COL24A1: variants seen among roughly 807,000 people sequenced by gnomAD.
COL24A1 encodes the protein collagen alpha-1(XXIV) chain.
COL24A1 carries 224 observed loss-of-function variants against 253.9 expected under a neutral mutation model. The ratio of observed to expected loss-of-function variants is 0.88; its 90% CI spans 0.79 to 0.99. The LOEUF (loss-of-function observed/expected upper bound fraction) is 0.99, where lower values mean the gene tolerates loss of function less well. Among genes scored for constraint, COL24A1 ranks in the 50% least tolerant of loss-of-function variants. The pLI, the probability that COL24A1 is intolerant of heterozygous loss-of-function variation, is 0.00. For synonymous variants in COL24A1, 685 were observed against 673.7 expected, an observed-to-expected ratio of 1.02 and a Z score of -0.26; for missense variants, 2,131 against 2,068.5, an observed-to-expected ratio of 1.03 and a Z score of -0.59.
At chr1:86,151,636 T>C (rs1005687626) in intron 1 of COL24A1, among the ~76,000 whole-genome samples, 12 of 152,266 alleles carry the variant, frequency 7.9e-5, no homozygotes, top group South Asian at 2.1e-4. Flanking sequence ...AACATGTAAA[T>C]GACTAATACC....
rs191106002 is a variant in COL24A1, at chr1:85,754,401, G to T, written c.4437+6995C>A. Among the ~76,000 whole-genome samples the T allele has an allele frequency of 6.8e-3, 584 of 85,936 alleles. 29 individuals carry two copies. Among genetic ancestry groups the T allele is most frequent in the Admixed American group, 0.053 (417 of 7,892 alleles). 56.4% of individuals were successfully genotyped at this position (85,936 alleles called of 152,430 possible). A position where few individuals can be genotyped will look rare whatever the true frequency, so the allele number is the denominator to read the frequency against. ...GGGGACTGTGGTGGGGTCGGGGGAG[G>T]GGGGAGGGATAGCATTGGGAGATAT... On this transcript the variant is annotated intron_variant, in intron 55 of 59. Coordinates refer to ENST00000370571, the MANE Select transcript of COL24A1 (RefSeq NM_152890.7).
At chr1:86,145,249 G>T (rs532069922) in intron 2 of COL24A1, among the ~76,000 whole-genome samples, 222 of 152,062 alleles carry the variant, frequency 1.5e-3, no homozygotes, top group African/African-American at 4.7e-3. Context: ...CTGACAAGGG[G>T]TTCATCAAAC....
At chr1:85,879,382 T>C (rs748623505) in intron 32 of COL24A1, among the ~76,000 whole-genome samples, 1 of 152,154 alleles carries the variant, frequency 6.6e-6, no homozygotes, top group Non-Finnish European at 1.5e-5. Context: ...TTTGCTCCTT[T>C]GTCACAGATC....
At chr1:85,921,123 G>C (rs1686419632) in intron 24 of COL24A1, among the ~76,000 whole-genome samples, 1 of 152,144 alleles carries the variant, frequency 6.6e-6, no homozygotes, top group South Asian at 2.1e-4. Context: ...ACCAAATCAG[G>C]GTGGGGCATC....
chr1:85,906,264 C>CTTGTTTTTTTTTTTTTTTTTTTTT (rs1684807771), intron 28 of COL24A1, among the ~76,000 whole-genome samples: 1 of 77,848 alleles, frequency 1.3e-5, no homozygotes. Flanking sequence ...ACTGCAAGGT[C>CTTGTTTTTTTTTTTTTTTTTTTTT]TTTTTTTTTT....
intron 43 of COL24A1, among the ~76,000 whole-genome samples, chr1:85,828,728 A>T: frequency 9.1e-6 from 1 of 110,340 alleles, no homozygotes; most frequent in Non-Finnish European, 2.1e-5. Context: ...CTGTTTTATC[A>T]GAGACTACGA....
chr1:86,143,165 T>C (rs1261586617), intron 2 of COL24A1, among the ~76,000 whole-genome samples: 1 of 152,148 alleles, frequency 6.6e-6, no homozygotes, highest in Non-Finnish European at 1.5e-5. Flanking sequence ...GAGGATGTGC[T>C]GCACCCAAAT....
At chr1:85,970,681 A>G (rs1368603677) in intron 21 of COL24A1, among the ~76,000 whole-genome samples, 2 of 152,200 alleles carry the variant, frequency 1.3e-5, no homozygotes, top group East Asian at 3.8e-4. Context: ...ATCATATAGT[A>G]TATGTTATTT....
intron 53 of COL24A1, among the ~76,000 whole-genome samples, chr1:85,772,507 C>G (rs1044858717): frequency 6.6e-6 from 1 of 151,942 alleles, no homozygotes; most frequent in Non-Finnish European, 1.5e-5. Flanking sequence ...CACATGCACA[C>G]GTATGTTTAT....
chr1:86,039,317 A>G (rs1442834201), intron 12 of COL24A1, among the ~76,000 whole-genome samples: 1 of 152,196 alleles, frequency 6.6e-6, no homozygotes, highest in Non-Finnish European at 1.5e-5. Flanking sequence ...TCACTCATAG[A>G]TACTACATTT....
chr1:85,916,908 A>C (rs1485344365), intron 24 of COL24A1, among the ~76,000 whole-genome samples: 1 of 152,192 alleles, frequency 6.6e-6, no homozygotes, highest in East Asian at 1.9e-4. Flanking sequence ...GTTCACATGG[A>C]ATTCTACTTT....
At chr1:85,964,887 A>G (rs1446506736) in intron 23 of COL24A1, 122 bp downstream of exon 23, 2 of 764,770 alleles carry the variant, frequency 2.6e-6, no homozygotes, top group Admixed American at 2.6e-5. Flanking sequence ...TCTTTGTAAC[A>G]GTTTTAACAT....
chr1:85,822,984 A>G (rs185607703), intron 45 of COL24A1, among the ~76,000 whole-genome samples: 1 of 151,924 alleles, frequency 6.6e-6, no homozygotes, highest in East Asian at 1.9e-4. Context: ...ATTCACTCAT[A>G]CTCAATCTGC....
intron 35 of COL24A1, among the ~76,000 whole-genome samples, chr1:85,870,733 C>A (rs746431604): frequency 6.6e-6 from 1 of 152,138 alleles, no homozygotes; most frequent in Non-Finnish European, 1.5e-5. Context: ...TAAATGCTCA[C>A]AAGAGAAAGC....
At chr1:85,876,030 A>T (rs1409873235) in intron 33 of COL24A1, among the ~76,000 whole-genome samples, 2 of 152,124 alleles carry the variant, frequency 1.3e-5, no homozygotes, top group Non-Finnish European at 2.9e-5. Flanking sequence ...TGCAGAAATT[A>T]AATCATGTAA....
rs1264488148 is a variant in COL24A1, at chr1:85,945,000, GTGTTTTTTTTTTTTTTT to G, written c.2562+16232_2562+16248del. 2.8e-4 allele frequency among the ~76,000 whole-genome samples: 10 copies of G among 36,128 alleles called. 1 individual carries two copies. Among genetic ancestry groups the G allele is most frequent in the African/African-American group, 5.8e-4 (6 of 10,378 alleles). 23.7% of individuals were successfully genotyped at this position (36,128 alleles called of 152,430 possible). A position where few individuals can be genotyped will look rare whatever the true frequency, so the allele number is the denominator to read the frequency against. On this transcript the variant is annotated intron_variant, in intron 24 of 59. Transcript: ENST00000370571. ...CATTTTCTTAATCCAGTCTATCATT[GTGTTTTTTTTTTTTTTT>G]TTTTTTTTTTTTTTTTTTGAGACAG... is the stretch of plus-strand genomic sequence containing the variant.
At chr1:86,049,933 ATAT>A (rs1700178709) in intron 11 of COL24A1, among the ~76,000 whole-genome samples, 188 bp downstream of exon 11, 1 of 152,142 alleles carries the variant, frequency 6.6e-6, no homozygotes, top group South Asian at 2.1e-4. Flanking sequence ...CTATCATGCT[ATAT>A]TACTTTCCTT....
chr1:86,081,510 G>T (rs1220597402), intron 7 of COL24A1, among the ~76,000 whole-genome samples: 3 of 152,044 alleles, frequency 2.0e-5, no homozygotes, highest in Non-Finnish European at 4.4e-5. Flanking sequence ...TTTATTTGCT[G>T]TTCTTTCATC....
chr1:85,755,768 G>T (rs1414093557), intron 55 of COL24A1, among the ~76,000 whole-genome samples: 1 of 151,992 alleles, frequency 6.6e-6, no homozygotes, highest in African/African-American at 2.4e-5. Context: ...TCAAAGACTT[G>T]AACATAAGAG....
Sources: gnomAD v4.1 joint callset for allele counts (sites outside exome capture counted in the v4.1 genomes callset) on GRCh38, gnomAD v4.1.1 for gene constraint, MANE v1.5 for transcripts, NCBI Gene and HGNC (gene_info 2026-07-23, HGNC 2026-07-21) for gene names.